Variants in GALR1 observed in about 807,000 individuals in gnomAD.
GALR1 encodes the protein galanin receptor 1.
In GALR1, 11 loss-of-function variants were observed where a neutral mutation model predicts 17.9. That is an observed-to-expected ratio of 0.62 (90% CI 0.39 to 1.02). GALR1 has a LOEUF of 1.02. Ranked by LOEUF, GALR1 falls within the 50% of genes least tolerant of loss-of-function variation. GALR1 has a pLI of 0.01. For synonymous variants in GALR1, 206 were observed against 205.7 expected (o/e 1.00, Z -0.01); for missense variants, 441 against 456.9 (o/e 0.97, Z 0.32).
intron 2 of GALR1, among the ~76,000 whole-genome samples, chr18:77,256,542 G>A (rs1912596474): frequency 6.6e-6 from 1 of 152,188 alleles, no homozygotes; most frequent in South Asian, 2.1e-4. Flanking sequence ...AGAGTGCAGA[G>A]TTGCTGACAT....
chr18:77,259,359 GGTGGTGGTC>G (rs1912757628), intron 2 of GALR1, among the ~76,000 whole-genome samples: 2 of 142,640 alleles, frequency 1.4e-5, no homozygotes, highest in East Asian at 2.2e-4. Context: ...GGTGGATGGT[GGTGGTGGTC>G]ACAGTGGTGG....
rs1913066443 is a variant in GALR1, at chr18:77,271,562, C to CTTCTG, written c.*2660_*2661insTTCTG. On this transcript the variant is annotated 3_prime_UTR_variant, in exon 3 of 3. Transcript: ENST00000299727. ...AGATTTCCCCCTAATATACAATGAC[C>CTTCTG]AATTCTGAAGCACCTTCTTTTCCGT... 6.6e-6 allele frequency: 1 copy of CTTCTG among 152,164 alleles called. No homozygotes were observed. Among genetic ancestry groups the CTTCTG allele is most frequent in the Non-Finnish European group, 1.5e-5 (1 of 68,040 alleles). 9.4% of individuals were successfully genotyped at this position (152,164 alleles called of 1,614,324 possible).
intron 1 of GALR1, among the ~76,000 whole-genome samples, chr18:77,251,473 A>G (rs1246448729): frequency 3.3e-5 from 5 of 152,240 alleles, no homozygotes; most frequent in Non-Finnish European, 7.3e-5. Context: ...CGCATGGTCC[A>G]GTAGAACCAG....
chr18:77,262,218 T>TAA (rs796942805), intron 2 of GALR1, among the ~76,000 whole-genome samples: 5 of 125,520 alleles, frequency 4.0e-5, no homozygotes, highest in African/African-American at 1.2e-4. Flanking sequence ...CTATCCGAAT[T>TAA]AAAAAAAAAA....
At position 77,268,995 on chromosome 18, in the gene GALR1, G is replaced by A; in HGVS notation, c.*93G>A. 5 of 929,094 alleles carry A rather than the reference G, an allele frequency of 5.4e-6. No homozygotes were observed. The highest frequency in any genetic ancestry group is 8.3e-6 in the Non-Finnish European group (5 of 602,998). 57.6% of individuals were successfully genotyped at this position (929,094 alleles called of 1,614,324 possible). A position where few individuals can be genotyped will look rare whatever the true frequency, so the allele number is the denominator to read the frequency against. On this transcript the variant is annotated 3_prime_UTR_variant, in exon 3 of 3. Coordinates refer to ENST00000299727, the MANE Select transcript of GALR1 (RefSeq NM_001480.4). ...GAGCTAGTAAGCGATGCTGCAACTT[G>A]TTATCTTAACAAGAATTCAAGTCGT...
At chr18:77,259,817 T>A (rs576764774) in intron 2 of GALR1, among the ~76,000 whole-genome samples, 1 of 149,532 alleles carries the variant, frequency 6.7e-6, no homozygotes, top group Non-Finnish European at 1.5e-5. Context: ...AGAAGGGAGG[T>A]GGCGGAGAGA....
Position 77,269,151 on chromosome 18 carries a change from A to G in GALR1, c.*249A>G. On this transcript the variant is annotated 3_prime_UTR_variant, in exon 3 of 3. Transcript: ENST00000299727. ...TCAGAAACAAAAGACAATGCTGTACAGTTTTATTCCTCTTCAGACATGAAA... is the reference window on the plus strand; with the variant it reads ...TCAGAAACAAAAGACAATGCTGTACGGTTTTATTCCTCTTCAGACATGAAA... The G allele has an allele frequency of 2.1e-6, 1 of 466,628 alleles. No individual in the cohort carries two copies. The highest frequency in any genetic ancestry group is 3.8e-6 in the Non-Finnish European group (1 of 263,530). 28.9% of individuals were successfully genotyped at this position (466,628 alleles called of 1,614,324 possible). A position where few individuals can be genotyped will look rare whatever the true frequency, so the allele number is the denominator to read the frequency against.
At position 77,269,044 on chromosome 18, in the gene GALR1, A is replaced by T. The variant is rs1181735694; in HGVS notation, c.*142A>T. On this transcript the variant is annotated 3_prime_UTR_variant, in exon 3 of 3. Transcript: ENST00000299727. ...GTTTTAATTAAATCCCACGTGTGTT[A>T]AAAAGTACTTTGATCCATTTAGGAA... 1.5e-6 allele frequency: 1 copy of T among 656,300 alleles called. No homozygotes were observed. Among genetic ancestry groups the T allele is most frequent in the African/African-American group, 1.8e-5 (1 of 54,930 alleles). 40.7% of individuals were successfully genotyped at this position (656,300 alleles called of 1,614,324 possible).
intron 1 of GALR1, among the ~76,000 whole-genome samples, chr18:77,252,498 C>T (rs556226136): frequency 6.6e-6 from 1 of 152,346 alleles, no homozygotes; most frequent in South Asian, 2.1e-4. Flanking sequence ...TTTCCCCCCA[C>T]CTATTTCATC....
chr18:77,254,278 AG>A (rs1302855471), intron 1 of GALR1, among the ~76,000 whole-genome samples: 1 of 152,154 alleles, frequency 6.6e-6, no homozygotes, highest in Non-Finnish European at 1.5e-5. Flanking sequence ...TGAGACCTTC[AG>A]TGGGGTGCAT....
intron 2 of GALR1, among the ~76,000 whole-genome samples, chr18:77,258,301 G>A (rs2144955532): frequency 6.6e-6 from 1 of 152,218 alleles, no homozygotes; most frequent in African/African-American, 2.4e-5. Context: ...CTTACCATGA[G>A]GATCTAGCAT....
chr18:77,264,036 A>G (rs1360089821), intron 2 of GALR1, among the ~76,000 whole-genome samples: 1 of 140,982 alleles, frequency 7.1e-6, no homozygotes, highest in Non-Finnish European at 1.5e-5. Context: ...CAGGTAGGTG[A>G]GGCAGAAGAA....
chr18:77,251,847 C>G (rs73486204), intron 1 of GALR1, among the ~76,000 whole-genome samples: 10,625 of 152,306 alleles, frequency 0.07, 600 homozygotes, highest in East Asian at 0.19. Flanking sequence ...GAAGCCGCTG[C>G]TCCCGGGGAC....
intron 2 of GALR1, among the ~76,000 whole-genome samples, chr18:77,267,895 G>A (rs1912977622): frequency 1.3e-5 from 2 of 152,156 alleles, no homozygotes; most frequent in South Asian, 4.2e-4. Flanking sequence ...TCCTGTTGAG[G>A]TCCCTAACCA....
At position 77,250,680 on chromosome 18, in the gene GALR1, C is replaced by T. The variant is rs768184332; in HGVS notation, c.132C>T (p.Phe44=). ...FVTLVVFGLI[F]ALGVLGNSLV... Reference sequence around the variant, plus strand: ...CGCTGGTGGTGTTCGGCCTGATCTTCGCGCTGGGTGTGCTGGGCAACAGCC... The same window carrying T: ...CGCTGGTGGTGTTCGGCCTGATCTTTGCGCTGGGTGTGCTGGGCAACAGCC... The change falls in exon 1 of 3, where the codon TTC becomes TTT. Residue 44 remains phenylalanine (F), a synonymous_variant. Coordinates refer to ENST00000299727, the MANE Select transcript of GALR1 (RefSeq NM_001480.4). The T allele has an allele frequency of 1.6e-5, 26 of 1,612,716 alleles. No homozygotes were observed. In the African/African-American group the frequency reaches 2.7e-4, roughly 17 times the overall value.
intron 2 of GALR1, among the ~76,000 whole-genome samples, chr18:77,258,666 G>GTGATGA (rs1912672342): frequency 7.1e-6 from 1 of 140,836 alleles, no homozygotes; most frequent in African/African-American, 2.8e-5. Context: ...GGTGGTGGTG[G>GTGATGA]TGGTCATGGT....
chr18:77,269,412 A>G lies in GALR1; in HGVS notation c.*510A>G, dbSNP rs554043494. 1 of 153,116 alleles carries G rather than the reference A, an allele frequency of 6.5e-6. No individual in the cohort carries two copies. Among genetic ancestry groups the G allele is most frequent in the Admixed American group, 6.5e-5 (1 of 15,336 alleles). 9.5% of individuals were successfully genotyped at this position (153,116 alleles called of 1,614,324 possible). A position where few individuals can be genotyped will look rare whatever the true frequency, so the allele number is the denominator to read the frequency against. On this transcript the variant is annotated 3_prime_UTR_variant, in exon 3 of 3. Transcript: ENST00000299727. ...GCCATTTACATAGACATATCTATTA[A>G]GTGGAAAGAAGGCTTTCTGAAGTCT...
intron 1 of GALR1, among the ~76,000 whole-genome samples, chr18:77,252,179 T>G (rs1316628295): frequency 2.0e-5 from 3 of 152,232 alleles, no homozygotes; most frequent in Admixed American, 6.5e-5. Flanking sequence ...GACTTTATAC[T>G]GATCAAAACG....
rs1913093327 is a variant in GALR1 at position 77,273,168 on chromosome 18, TAC to T, written c.*4267_*4268del. On this transcript the variant is annotated 3_prime_UTR_variant, in exon 3 of 3. Transcript: ENST00000299727. Reference sequence around the variant, plus strand: ...TGTTTGACTGGGCAAGACCCTCACATACCTTGGCAGGCCCTGGCTTTCGTTTC... The same window carrying T: ...TGTTTGACTGGGCAAGACCCTCACATCTTGGCAGGCCCTGGCTTTCGTTTC... 6.6e-6 allele frequency: 1 copy of T among 152,342 alleles called. No individual in the cohort carries two copies. Among genetic ancestry groups the T allele is most frequent in the African/African-American group, 2.4e-5 (1 of 41,560 alleles). The allele number at this position is 152,342 out of a possible 1,614,324, so 9.4% of individuals were successfully genotyped here.
Sources: gnomAD v4.1 joint callset for allele counts (sites outside exome capture counted in the v4.1 genomes callset) on GRCh38, gnomAD v4.1.1 for gene constraint, MANE v1.5 for transcripts, NCBI Gene and HGNC (gene_info 2026-07-23, HGNC 2026-07-21) for gene names.